Variants in PUDP observed in about 807,000 individuals in gnomAD.
PUDP encodes pseudouridine-5'-phosphatase.
Under a neutral mutation model 9.4 loss-of-function variants are expected in PUDP, and 8 were observed. That is an observed-to-expected ratio of 0.85 (90% CI 0.50 to 1.53). The LOEUF (loss-of-function observed/expected upper bound fraction) is 1.53, where lower values mean the gene tolerates loss of function less well. Among genes scored for constraint, PUDP ranks in the 40% most tolerant of loss-of-function variants. PUDP has a pLI of 0.00. For synonymous variants in PUDP, 99 were observed against 80.7 expected (o/e 1.23, Z -1.22); for missense variants, 188 against 189.7 (o/e 0.99, Z 0.05).
chrX:6,880,101 AG>A (rs1180414389), intron 3 of PUDP, among the ~76,000 whole-genome samples: 1 of 105,605 alleles, frequency 9.5e-6, no homozygotes, highest in African/African-American at 3.4e-5. Flanking sequence ...GGAATCGTTA[AG>A]GTTTTTTTTT....
intron 3 of PUDP, among the ~76,000 whole-genome samples, chrX:7,053,843 T>C (rs1227415288): frequency 1.8e-5 from 2 of 111,736 alleles, no homozygotes; most frequent in Non-Finnish European, 3.8e-5. Flanking sequence ...GAGGGAAACT[T>C]GCAAGTGTCT....
chrX:6,881,411 T>C (rs1355822975), intron 3 of PUDP, among the ~76,000 whole-genome samples: 1 of 111,924 alleles, frequency 8.9e-6, no homozygotes, highest in Non-Finnish European at 1.9e-5. Flanking sequence ...AAATATTCTC[T>C]GTTCCAGTGG....
intron 3 of PUDP, among the ~76,000 whole-genome samples, chrX:6,872,991 C>T (rs375398512): frequency 2.1e-3 from 235 of 111,122 alleles, no homozygotes; most frequent in African/African-American, 7.5e-3. Context: ...TGAATCAAGG[C>T]AGACACATAA....
chrX:6,915,300 CA>C (rs1158072907), intron 3 of PUDP, among the ~76,000 whole-genome samples: 2 of 111,725 alleles, frequency 1.8e-5, no homozygotes, highest in Non-Finnish European at 3.8e-5. Flanking sequence ...CCAGTTTTCC[CA>C]TATTTTCAAA....
intron 3 of PUDP, among the ~76,000 whole-genome samples, chrX:6,909,600 G>A (rs1927819048): frequency 8.9e-6 from 1 of 111,751 alleles, no homozygotes; most frequent in African/African-American, 3.2e-5. Flanking sequence ...GGCTACAGAT[G>A]CAAGGTTGAG....
At chrX:6,707,893 T>C (rs182655865) in intron 1 of PUDP, among the ~76,000 whole-genome samples, 2 of 111,914 alleles carry the variant, frequency 1.8e-5, no homozygotes, top group East Asian at 5.6e-4. Context: ...CTTTCTTTTA[T>C]AACCTTGTAG....
chrX:6,724,200 G>T (rs1758130620), upstream of PUDP, among the ~76,000 whole-genome samples: 2 of 111,068 alleles, frequency 1.8e-5, no homozygotes, highest in Non-Finnish European at 3.8e-5. Context: ...CACATCCCAT[G>T]GCAGAGATGG....
chrX:6,754,836 G>T (rs1186782744), intron 3 of PUDP, among the ~76,000 whole-genome samples: 1 of 111,195 alleles, frequency 9.0e-6, no homozygotes, highest in Non-Finnish European at 1.9e-5. Flanking sequence ...TGTGCAGTGT[G>T]GGGAAACATC....
intron 3 of PUDP, among the ~76,000 whole-genome samples, chrX:6,776,569 C>T (rs1925467815): frequency 1.8e-5 from 2 of 111,485 alleles, no homozygotes; most frequent in South Asian, 7.5e-4. Context: ...GTTTCTTGGT[C>T]CCCACACTGG....
intron 3 of PUDP, among the ~76,000 whole-genome samples, chrX:6,812,249 GC>G (rs1421883758): frequency 8.9e-6 from 1 of 112,016 alleles, no homozygotes; most frequent in Non-Finnish European, 1.9e-5. Context: ...AACAAACACT[GC>G]AAAGAGCTGG....
chrX:6,827,545 C>T (rs976034589), intron 3 of PUDP, among the ~76,000 whole-genome samples: 2 of 111,483 alleles, frequency 1.8e-5, no homozygotes, highest in African/African-American at 6.5e-5. Flanking sequence ...TGTGAATTGC[C>T]CTTATGTTCC....
intron 2 of PUDP, among the ~76,000 whole-genome samples, chrX:7,096,245 G>A (rs1298358027): frequency 9.0e-6 from 1 of 111,614 alleles, no homozygotes; most frequent in Non-Finnish European, 1.9e-5. Context: ...TGGGATTTCT[G>A]TCCCATTAAT....
intron 3 of PUDP, among the ~76,000 whole-genome samples, chrX:6,904,939 C>T (rs530437360): frequency 1.8e-5 from 2 of 111,848 alleles, no homozygotes; most frequent in Admixed American, 1.9e-4. Flanking sequence ...TATTTCACTT[C>T]GGATTCCTGG....
rs1173447156 is a variant in PUDP, at chrX:6,935,064, G to C, written c.*247+42069C>G. On this transcript the variant is annotated intron_variant and NMD_transcript_variant, in intron 3 of 3. Transcript: ENST00000655425. Reference sequence around the variant, plus strand: ...CTTTAACACCCCACTGTCAACATTAGACAAATCAACGAGACAGAAAGTCAA... The same window carrying C: ...CTTTAACACCCCACTGTCAACATTACACAAATCAACGAGACAGAAAGTCAA... Among the ~76,000 whole-genome samples, 372 of 88,922 alleles carry C rather than the reference G, an allele frequency of 4.2e-3. 1 individual carries two copies. The highest frequency in any genetic ancestry group is 6.5e-3 in the Non-Finnish European group (294 of 45,522). The allele number at this position is 88,922 out of a possible 115,157, so 77.2% of individuals were successfully genotyped here.
chrX:7,008,687 TA>T (rs1929436824), intron 1 of PUDP, among the ~76,000 whole-genome samples: 1 of 112,154 alleles, frequency 8.9e-6, no homozygotes, highest in Non-Finnish European at 1.9e-5. Context: ...ACCCATGCTT[TA>T]AAATGAAATA....
intron 3 of PUDP, among the ~76,000 whole-genome samples, chrX:6,879,882 G>A (rs1927319682): frequency 9.0e-6 from 1 of 110,893 alleles, no homozygotes; most frequent in African/African-American, 3.3e-5. Context: ...CTAAAGCATT[G>A]AAGGACATCC....
intron 2 of PUDP, among the ~76,000 whole-genome samples, chrX:7,102,767 A>C (rs1246651601): frequency 2.7e-5 from 3 of 111,888 alleles, no homozygotes; most frequent in Non-Finnish European, 5.6e-5. Context: ...ACATCAAACA[A>C]AAATCAGTTG....
chrX:6,773,731 G>A (rs1190707167), intron 3 of PUDP, among the ~76,000 whole-genome samples: 1 of 111,069 alleles, frequency 9.0e-6, no homozygotes, highest in Non-Finnish European at 1.9e-5. Flanking sequence ...CCATTGTCAC[G>A]GCAACACCCA....
intron 1 of PUDP, among the ~76,000 whole-genome samples, chrX:6,710,983 C>T (rs954991958): frequency 2.9e-4 from 32 of 111,009 alleles, no homozygotes; most frequent in African/African-American, 9.5e-4. Flanking sequence ...TGTGGAGCTG[C>T]ACTGATCACG....
Sources: gnomAD v4.1 joint callset for allele counts (sites outside exome capture counted in the v4.1 genomes callset) on GRCh38, gnomAD v4.1.1 for gene constraint, MANE v1.5 for transcripts, NCBI Gene and HGNC (gene_info 2026-07-23, HGNC 2026-07-21) for gene names.